The following MAPK4 variants were observed in gnomAD, a reference collection of about 807,000 sequenced individuals.
MAPK4 encodes the protein Erk3-related.
Under a neutral mutation model 47.7 loss-of-function variants are expected in MAPK4, and 22 were observed. The ratio of observed to expected loss-of-function variants is 0.46; its 90% CI spans 0.33 to 0.66. MAPK4 has a LOEUF of 0.66. MAPK4 is among the 30% of genes least tolerant of loss of function. The probability of loss-of-function intolerance (pLI) is 0.02; values close to 1 mark genes in which losing one functional copy is unlikely to be tolerated. For synonymous variants in MAPK4, 390 were observed against 365.7 expected (o/e 1.07, Z -0.76); for missense variants, 736 against 831.7 (o/e 0.88, Z 1.42).
chr18:50,662,636 TAAAAGAA>T, intron 1 of MAPK4, among the ~76,000 whole-genome samples: 1 of 152,322 alleles, frequency 6.6e-6, no homozygotes, highest in East Asian at 1.9e-4. Flanking sequence ...AAGACATTTG[TAAAAGAA>T]GGAAGAAAAG....
At chr18:50,681,635 A>G (rs1908592635) in intron 2 of MAPK4, among the ~76,000 whole-genome samples, 1 of 152,184 alleles carries the variant, frequency 6.6e-6, no homozygotes, top group African/African-American at 2.4e-5. Flanking sequence ...ATTCTTTTGC[A>G]TGTGGGTAAT....
chr18:50,582,495 C>G (rs2042354509), intron 1 of MAPK4, among the ~76,000 whole-genome samples: 1 of 152,238 alleles, frequency 6.6e-6, no homozygotes, highest in Non-Finnish European at 1.5e-5. Flanking sequence ...GGTGGGTAGA[C>G]TAGGCCAGTG....
At chr18:50,682,485 GA>G (rs1266910655) in intron 2 of MAPK4, among the ~76,000 whole-genome samples, 3 of 152,032 alleles carry the variant, frequency 2.0e-5, no homozygotes, top group Admixed American at 6.5e-5. Context: ...ACCTGTATAA[GA>G]AAAGCAAGTG....
chr18:50,616,752 G>A (rs2042688265), intron 1 of MAPK4, among the ~76,000 whole-genome samples: 1 of 152,236 alleles, frequency 6.6e-6, no homozygotes, highest in African/African-American at 2.4e-5. Flanking sequence ...CAACATGGGA[G>A]AAAGATGAAG....
chr18:50,675,546 C>T (rs1012235756), intron 2 of MAPK4, among the ~76,000 whole-genome samples: 4 of 152,044 alleles, frequency 2.6e-5, no homozygotes, highest in Non-Finnish European at 5.9e-5. Context: ...GGCTGGAGTG[C>T]AGTGGCACGA....
At chr18:50,697,828 C>T (rs191812955) in intron 2 of MAPK4, among the ~76,000 whole-genome samples, 7 of 152,286 alleles carry the variant, frequency 4.6e-5, no homozygotes, top group Admixed American at 3.3e-4. Context: ...TTCACTGGCC[C>T]AAGTGCTCCT....
At chr18:50,680,146 T>C (rs1051660770) in intron 2 of MAPK4, among the ~76,000 whole-genome samples, 4 of 140,292 alleles carry the variant, frequency 2.9e-5, no homozygotes, top group African/African-American at 8.3e-5. Context: ...GGCTGGAGTA[T>C]GGTGGCGCAA....
intron 1 of MAPK4, among the ~76,000 whole-genome samples, chr18:50,587,028 A>G (rs1470981280): frequency 1.3e-5 from 2 of 152,252 alleles, no homozygotes; most frequent in African/African-American, 4.8e-5. Flanking sequence ...CATATTTTTC[A>G]AAGCTCATTA....
chr18:50,636,196 G>C (rs191834087), intron 1 of MAPK4, among the ~76,000 whole-genome samples: 487 of 152,284 alleles, frequency 3.2e-3, no homozygotes, highest in African/African-American at 0.011. Context: ...CACCTTCTCA[G>C]GTCCTGGCCC....
At chr18:50,603,438 G>C (rs1401231144) in intron 1 of MAPK4, among the ~76,000 whole-genome samples, 1 of 152,136 alleles carries the variant, frequency 6.6e-6, no homozygotes, top group South Asian at 2.1e-4. Flanking sequence ...CGTGTGCCCT[G>C]CCCTCCTCAT....
chr18:50,702,161 CA>C (rs36001271), intron 2 of MAPK4, among the ~76,000 whole-genome samples: 60 of 95,916 alleles, frequency 6.3e-4, no homozygotes, highest in Middle Eastern at 6.2e-3. Flanking sequence ...GATTCTGTCT[CA>C]AAAAAAAAAA....
At position 50,611,982 on chromosome 18, in the gene MAPK4, G is replaced by T. The variant is rs577218533; in HGVS notation, c.-870-51107G>T. ...AAAACAAACCCCAGGAACCTGAAATGCATAGCTTGACAGAGTTTTCACATG... is the reference window on the plus strand; with the variant it reads ...AAAACAAACCCCAGGAACCTGAAATTCATAGCTTGACAGAGTTTTCACATG... On this transcript the variant is annotated intron_variant, in intron 1 of 5. Transcript: ENST00000400384. Among the ~76,000 whole-genome samples, 22 of 152,294 alleles carry T rather than the reference G, an allele frequency of 1.4e-4. No individual in the cohort carries two copies. The South Asian group carries it at 4.1e-3, about 29-fold the overall frequency.
At chr18:50,700,697 A>G (rs562851627) in intron 2 of MAPK4, among the ~76,000 whole-genome samples, 1 of 152,150 alleles carries the variant, frequency 6.6e-6, no homozygotes, top group Admixed American at 6.5e-5. Context: ...GGACATTTGC[A>G]TTCTCTTTGC....
intron 1 of MAPK4, among the ~76,000 whole-genome samples, chr18:50,589,238 A>G (rs1300467002): frequency 6.6e-6 from 1 of 152,182 alleles, no homozygotes; most frequent in African/African-American, 2.4e-5. Flanking sequence ...ATCTCACCCA[A>G]ACTCAATTCA....
chr18:50,717,550 T>C (rs1473464179), intron 3 of MAPK4, among the ~76,000 whole-genome samples: 1 of 151,054 alleles, frequency 6.6e-6, no homozygotes, highest in Admixed American at 6.6e-5. Context: ...CAAGACCTAG[T>C]AAGATTCCCC....
At chr18:50,699,230 A>G (rs1240333087) in intron 2 of MAPK4, among the ~76,000 whole-genome samples, 3 of 152,210 alleles carry the variant, frequency 2.0e-5, no homozygotes, top group Non-Finnish European at 1.5e-5. Flanking sequence ...AACCAGGAAT[A>G]AAAGAACTAC....
intron 1 of MAPK4, among the ~76,000 whole-genome samples, chr18:50,644,555 C>T (rs1412760616): frequency 6.6e-6 from 1 of 152,180 alleles, no homozygotes; most frequent in African/African-American, 2.4e-5. Flanking sequence ...TCTCTCCAAG[C>T]CCTGGAAATG....
At chr18:50,649,575 G>A (rs866902323) in intron 1 of MAPK4, among the ~76,000 whole-genome samples, 3 of 152,122 alleles carry the variant, frequency 2.0e-5, no homozygotes, top group South Asian at 2.1e-4. Context: ...TTACCTCTTC[G>A]TGTGTGTTCC....
intron 1 of MAPK4, among the ~76,000 whole-genome samples, chr18:50,567,768 T>TTTGTTG: frequency 6.6e-6 from 1 of 151,472 alleles, no homozygotes; most frequent in Non-Finnish European, 1.5e-5. Flanking sequence ...GGGTGTGGTG[T>TTTGTTG]TTGTTGTTGT....
Sources: gnomAD v4.1 joint callset for allele counts (sites outside exome capture counted in the v4.1 genomes callset) on GRCh38, gnomAD v4.1.1 for gene constraint, MANE v1.5 for transcripts, NCBI Gene and HGNC (gene_info 2026-07-23, HGNC 2026-07-21) for gene names.